Variants in MLLT3 observed in about 807,000 individuals in gnomAD.
MLLT3 encodes the protein protein AF-9.
In MLLT3, 4 loss-of-function variants were observed where a neutral mutation model predicts 53.2. The ratio of observed to expected loss-of-function variants is 0.08; its 90% CI spans 0.04 to 0.17. MLLT3 has a LOEUF of 0.17. Among genes scored for constraint, MLLT3 ranks in the 10% least tolerant of loss-of-function variants. The probability of loss-of-function intolerance (pLI) is 1.00; values close to 1 mark genes in which losing one functional copy is unlikely to be tolerated. For synonymous variants in MLLT3, 283 were observed against 230.6 expected (o/e 1.23, Z -2.06); for missense variants, 569 against 684.0 (o/e 0.83, Z 1.87).
chr9:20,357,826 G>C (rs1244353445), intron 8 of MLLT3, among the ~76,000 whole-genome samples: 4 of 152,162 alleles, frequency 2.6e-5, no homozygotes, highest in Non-Finnish European at 4.4e-5. Context: ...GAGAGAACAG[G>C]CAAGGAGTAT....
At chr9:20,540,398 G>A (rs1818599490) in intron 2 of MLLT3, among the ~76,000 whole-genome samples, 1 of 152,206 alleles carries the variant, frequency 6.6e-6, no homozygotes, top group South Asian at 2.1e-4. Context: ...GGACATCCAG[G>A]CATTTCCACA....
At chr9:20,526,666 C>CAT (rs1167710359) in intron 2 of MLLT3, among the ~76,000 whole-genome samples, 3 of 152,202 alleles carry the variant, frequency 2.0e-5, no homozygotes, top group Non-Finnish European at 4.4e-5. Context: ...CCCACACACA[C>CAT]ATATGCACAT....
intron 2 of MLLT3, among the ~76,000 whole-genome samples, chr9:20,457,343 G>T (rs1445531323): frequency 6.8e-6 from 1 of 146,326 alleles, no homozygotes; most frequent in Non-Finnish European, 1.5e-5. Flanking sequence ...CCGCCTCCCT[G>T]GTTCAAGCAA....
At chr9:20,573,138 G>A (rs552573060) in intron 2 of MLLT3, among the ~76,000 whole-genome samples, 24 of 144,218 alleles carry the variant, frequency 1.7e-4, no homozygotes, top group South Asian at 1.5e-3. Flanking sequence ...TTTTTTTTTC[G>A]CTGTTGTGTT....
chr9:20,586,232 A>C (rs1819956664), intron 2 of MLLT3, among the ~76,000 whole-genome samples: 1 of 151,994 alleles, frequency 6.6e-6, no homozygotes, highest in Non-Finnish European at 1.5e-5. Flanking sequence ...ATGTGGGAGA[A>C]CTGTTTGAGC....
chr9:20,488,458 GAA>G (rs911845591), intron 2 of MLLT3, among the ~76,000 whole-genome samples: 1 of 152,106 alleles, frequency 6.6e-6, no homozygotes, highest in African/African-American at 2.4e-5. Flanking sequence ...TGTACTCGTA[GAA>G]AAAGATTAAA....
chr9:20,619,996 G>A (rs1334032330), intron 2 of MLLT3, among the ~76,000 whole-genome samples: 1 of 152,156 alleles, frequency 6.6e-6, no homozygotes, highest in Non-Finnish European at 1.5e-5. Context: ...AATCAAAGGA[G>A]CAGTCAAGTG....
At chr9:20,403,751 A>C (rs1326813775) in intron 5 of MLLT3, among the ~76,000 whole-genome samples, 1 of 152,192 alleles carries the variant, frequency 6.6e-6, no homozygotes, top group Non-Finnish European at 1.5e-5. Context: ...AAATAGAGTG[A>C]ATACTTTATA....
At chr9:20,409,693 C>T (rs1359650149) in intron 5 of MLLT3, among the ~76,000 whole-genome samples, 3 of 152,150 alleles carry the variant, frequency 2.0e-5, no homozygotes, top group Non-Finnish European at 4.4e-5. Context: ...AAATGCTCAC[C>T]CACTATAACA....
At chr9:20,598,410 T>TA (rs1193324133) in intron 2 of MLLT3, among the ~76,000 whole-genome samples, 3 of 152,208 alleles carry the variant, frequency 2.0e-5, no homozygotes, top group Admixed American at 6.5e-5. Flanking sequence ...AGAAGCCATA[T>TA]GTCTAACTAG....
chr9:20,410,562 T>C (rs1822702943), intron 5 of MLLT3: 1 of 152,112 alleles, frequency 6.6e-6, no homozygotes, highest in Admixed American at 6.5e-5. Context: ...TCTACCTACC[T>C]TTCACTTATC....
chr9:20,587,400 G>GA (rs563371925), intron 2 of MLLT3, among the ~76,000 whole-genome samples: 168 of 152,144 alleles, frequency 1.1e-3, no homozygotes, highest in Non-Finnish European at 1.2e-3. Context: ...GGAAGTGACG[G>GA]AAACTTTTTC....
intron 2 of MLLT3, among the ~76,000 whole-genome samples, chr9:20,584,813 A>C (rs1448331409): frequency 6.6e-6 from 1 of 152,190 alleles, no homozygotes; most frequent in Non-Finnish European, 1.5e-5. Flanking sequence ...TCAGCATTTA[A>C]GGTTCTTCCA....
At chr9:20,528,528 T>C (rs576132659) in intron 2 of MLLT3, among the ~76,000 whole-genome samples, 1 of 152,366 alleles carries the variant, frequency 6.6e-6, no homozygotes, top group African/African-American at 2.4e-5. Context: ...AATCAAGGTT[T>C]CATCAGAGCT....
chr9:20,615,146 C>T (rs1425880935), intron 2 of MLLT3, among the ~76,000 whole-genome samples: 1 of 151,690 alleles, frequency 6.6e-6, no homozygotes, highest in Non-Finnish European at 1.5e-5. Context: ...GAGTTGGAGA[C>T]CAGTCTGGGC....
At chr9:20,367,800 C>T (rs1821497147) in intron 5 of MLLT3, among the ~76,000 whole-genome samples, 1 of 152,172 alleles carries the variant, frequency 6.6e-6, no homozygotes, top group African/African-American at 2.4e-5. Flanking sequence ...AACCAGAAAT[C>T]ACTAAATGAG....
chr9:20,543,984 T>C (rs1818716037), intron 2 of MLLT3, among the ~76,000 whole-genome samples: 1 of 152,130 alleles, frequency 6.6e-6, no homozygotes, highest in Non-Finnish European at 1.5e-5. Context: ...ATCAAAACTG[T>C]GTAGTACTGT....
In MLLT3 at chr9:20,622,359, G is replaced by A; in HGVS notation, c.-103C>T. On this transcript the variant is annotated 5_prime_UTR_variant, in exon 1 of 11. Transcript: ENST00000380338. ...AAGAGGCTGCTATGAATGAGAGCGC[G>A]CCCAGGAGCGGAGGGTAGATGGCGG... is the stretch of plus-strand genomic sequence containing the variant. The A allele has an allele frequency of 1.8e-6, 2 of 1,101,284 alleles. No individual in the cohort carries two copies. The highest frequency in any genetic ancestry group is 2.5e-6 in the Non-Finnish European group (2 of 788,206). The allele number at this position is 1,101,284 out of a possible 1,614,324, so 68.2% of individuals were successfully genotyped here.
intron 5 of MLLT3, among the ~76,000 whole-genome samples, chr9:20,378,295 T>C (rs1333116653): frequency 6.6e-6 from 1 of 152,046 alleles, no homozygotes; most frequent in Non-Finnish European, 1.5e-5. Context: ...GTTTTAATTC[T>C]GTAATTTACC....
Sources: gnomAD v4.1 joint callset for allele counts (sites outside exome capture counted in the v4.1 genomes callset) on GRCh38, gnomAD v4.1.1 for gene constraint, MANE v1.5 for transcripts, NCBI Gene and HGNC (gene_info 2026-07-23, HGNC 2026-07-21) for gene names.